Variants in FRAS1 observed in about 807,000 individuals in gnomAD.
FRAS1 encodes extracellular matrix organizing protein FRAS1.
A neutral mutation model predicts 435.2 loss-of-function variants in FRAS1; 290 were observed. The ratio of observed to expected loss-of-function variants is 0.67; its 90% confidence interval spans 0.61 to 0.73. FRAS1 has a LOEUF of 0.73. FRAS1 is among the 30% of genes least tolerant of loss of function. The probability of loss-of-function intolerance (pLI) is 0.00; values close to 1 mark genes in which losing one functional copy is unlikely to be tolerated. For missense variants in FRAS1, 4,860 were observed against 5,001.5 expected, an observed-to-expected ratio of 0.97 and a Z score of 0.85; for synonymous variants, 1,800 against 1,851.0, an observed-to-expected ratio of 0.97 and a Z score of 0.71.
chr4:78,172,771 C>T (rs1342313197), intron 2 of FRAS1, among the ~76,000 whole-genome samples: 1 of 151,310 alleles, frequency 6.6e-6, no homozygotes, highest in Non-Finnish European at 1.5e-5. Flanking sequence ...TTTTACATCA[C>T]CTCTTTCCAT....
At chr4:78,073,747 A>G (rs1740481809) in intron 2 of FRAS1, among the ~76,000 whole-genome samples, 1 of 152,192 alleles carries the variant, frequency 6.6e-6, no homozygotes, top group Non-Finnish European at 1.5e-5. Context: ...TCAAATGACA[A>G]TTGAGTTAAG....
intron 2 of FRAS1, among the ~76,000 whole-genome samples, chr4:78,160,848 A>G (rs1721108467): frequency 6.6e-6 from 1 of 152,184 alleles, no homozygotes; most frequent in Non-Finnish European, 1.5e-5. Context: ...AAGATCTATA[A>G]AAAGATGGGC....
intron 15 of FRAS1, among the ~76,000 whole-genome samples, chr4:78,314,677 C>G (rs910420978): frequency 9.9e-5 from 15 of 152,132 alleles, no homozygotes; most frequent in Admixed American, 2.6e-4. Context: ...TTTTTCCAGC[C>G]AAATGAAACT....
intron 2 of FRAS1, among the ~76,000 whole-genome samples, chr4:78,090,136 A>G (rs1741437110): frequency 6.6e-6 from 1 of 152,218 alleles, no homozygotes; most frequent in Non-Finnish European, 1.5e-5. Context: ...CTGTTCCAGT[A>G]ATTGTGAATG....
intron 11 of FRAS1, among the ~76,000 whole-genome samples, chr4:78,282,529 A>G (rs1389682184): frequency 6.6e-6 from 1 of 152,260 alleles, no homozygotes; most frequent in African/African-American, 2.4e-5. Flanking sequence ...AATGCCTTTT[A>G]CATATTCTGT....
At chr4:78,513,315 G>C (rs896131544) in intron 64 of FRAS1, 77 bp from the exon 65 acceptor site, 17 of 1,421,008 alleles carry the variant, frequency 1.2e-5, no homozygotes, top group Non-Finnish European at 1.7e-5. Flanking sequence ...GACAAATTAG[G>C]TGATGAGAAA....
At chr4:78,421,190 C>T (rs961124921) in intron 33 of FRAS1, among the ~76,000 whole-genome samples, 2 of 152,090 alleles carry the variant, frequency 1.3e-5, no homozygotes, top group Non-Finnish European at 2.9e-5. Context: ...TCTTGTCACC[C>T]AGGCTGGAGT....
intron 50 of FRAS1, 35 bp downstream of exon 50, chr4:78,466,470 C>A (rs1311767476): frequency 1.3e-5 from 19 of 1,466,540 alleles, no homozygotes; most frequent in Non-Finnish European, 1.7e-5. Flanking sequence ...GGTAGCCTAG[C>A]ACTGCATGGC....
intron 2 of FRAS1, among the ~76,000 whole-genome samples, chr4:78,136,978 G>GTCTTC (rs1342291287): frequency 3.8e-4 from 58 of 152,270 alleles, no homozygotes; most frequent in African/African-American, 1.3e-3. Flanking sequence ...CAGTGGAGTG[G>GTCTTC]GCACCAGCAC....
At chr4:78,512,461 T>C (rs546123082) in intron 64 of FRAS1, among the ~76,000 whole-genome samples, 20 of 152,196 alleles carry the variant, frequency 1.3e-4, no homozygotes, top group Non-Finnish European at 2.5e-4. Context: ...GAGACAAGTA[T>C]ATAAACTCAA....
chr4:78,140,693 A>G (rs754318968), intron 2 of FRAS1, among the ~76,000 whole-genome samples: 23 of 144,904 alleles, frequency 1.6e-4, no homozygotes, highest in East Asian at 8.0e-4. Context: ...GCATATACAT[A>G]TGTGTATATG....
chr4:78,116,790 C>A (rs1027279634), intron 2 of FRAS1, among the ~76,000 whole-genome samples: 1 of 152,174 alleles, frequency 6.6e-6, no homozygotes, highest in Non-Finnish European at 1.5e-5. Flanking sequence ...ATCCCATTTA[C>A]CAGTCTGTGT....
chr4:78,078,617 T>A (rs1390734974), intron 2 of FRAS1, among the ~76,000 whole-genome samples: 1 of 152,068 alleles, frequency 6.6e-6, no homozygotes, highest in Non-Finnish European at 1.5e-5. Flanking sequence ...AAGAATTACA[T>A]AGTAGAACTT....
chr4:78,168,105 G>T (rs1721408576), intron 2 of FRAS1, among the ~76,000 whole-genome samples: 2 of 151,950 alleles, frequency 1.3e-5, no homozygotes, highest in Non-Finnish European at 2.9e-5. Flanking sequence ...CTCCCAAGCT[G>T]GCTTTTTGTG....
rs149618030 is a variant in FRAS1 at position 78,230,534 on chromosome 4, A to T, written c.109-6976A>T. Among the ~76,000 whole-genome samples the T allele has an allele frequency of 2.4e-3, 371 of 152,280 alleles. 1 individual carries two copies. Among genetic ancestry groups the T allele is most frequent in the African/African-American group, 8.5e-3 (354 of 41,568 alleles). Reference sequence around the variant, plus strand: ...TTGCACTCTAAAATAACCTTATGAAAGTTATTGATTCGTTTCTTCATGGTT... The same window carrying T: ...TTGCACTCTAAAATAACCTTATGAATGTTATTGATTCGTTTCTTCATGGTT... On this transcript the variant is annotated intron_variant, in intron 2 of 73. Coordinates refer to ENST00000512123, the MANE Select transcript of FRAS1 (RefSeq NM_025074.7).
At chr4:78,254,303 G>T (rs900275642) in intron 5 of FRAS1, among the ~76,000 whole-genome samples, 1 of 152,138 alleles carries the variant, frequency 6.6e-6, no homozygotes, top group Non-Finnish European at 1.5e-5. Context: ...CAACTGGAAG[G>T]TACACTCTAT....
intron 42 of FRAS1, chr4:78,446,496 C>T: frequency 7.6e-7 from 1 of 1,321,142 alleles, no homozygotes; most frequent in Non-Finnish European, 9.6e-7. Context: ...CGGAAGATAT[C>T]TGAGAAAACT....
intron 2 of FRAS1, among the ~76,000 whole-genome samples, chr4:78,200,521 A>G (rs1723004870): frequency 1.3e-5 from 2 of 152,214 alleles, no homozygotes; most frequent in Admixed American, 6.5e-5. Context: ...AGCAACTTCT[A>G]ACACGTACTT....
intron 2 of FRAS1, among the ~76,000 whole-genome samples, chr4:78,104,071 C>T (rs17002945): frequency 0.021 from 3,188 of 152,270 alleles, 112 homozygotes; most frequent in African/African-American, 0.073. Flanking sequence ...TTAGCTAGTA[C>T]CTCCTGCATC....
Sources: gnomAD v4.1 joint callset for allele counts (sites outside exome capture counted in the v4.1 genomes callset) on GRCh38, gnomAD v4.1.1 for gene constraint, MANE v1.5 for transcripts, NCBI Gene and HGNC (gene_info 2026-07-23, HGNC 2026-07-21) for gene names.